The following ASTN2 variants were observed in gnomAD, a reference collection of about 807,000 sequenced individuals.
The protein encoded by ASTN2 is astrotactin 2.
A neutral mutation model predicts 139.8 loss-of-function variants in ASTN2; 54 were observed. The ratio of observed to expected loss-of-function variants is 0.39; its 90% CI spans 0.31 to 0.48. The LOEUF is 0.48. ASTN2 is among the 20% of genes least tolerant of loss of function. ASTN2 has a pLI of 0.95. For missense variants in ASTN2, 1,565 were observed against 1,725.1 expected, an observed-to-expected ratio of 0.91 and a Z score of 1.64; for synonymous variants, 756 against 719.5, an observed-to-expected ratio of 1.05 and a Z score of -0.81.
intron 16 of ASTN2, among the ~76,000 whole-genome samples, chr9:116,695,148 A>G (rs1213467945): frequency 6.6e-6 from 1 of 152,182 alleles, no homozygotes; most frequent in African/African-American, 2.4e-5. Flanking sequence ...GTTGGGTTAA[A>G]TAAAGTAAAA....
chr9:116,787,113 C>T (rs1046731418), intron 13 of ASTN2, among the ~76,000 whole-genome samples: 5 of 152,152 alleles, frequency 3.3e-5, no homozygotes, highest in Non-Finnish European at 1.5e-5. Context: ...TATGTCCTTA[C>T]AGTAGCATGA....
At chr9:116,925,169 CA>C (rs1834720069) in intron 10 of ASTN2, among the ~76,000 whole-genome samples, 1 of 152,130 alleles carries the variant, frequency 6.6e-6, no homozygotes, top group African/African-American at 2.4e-5. Context: ...AACAAAATAT[CA>C]GATATTTTAG....
intron 3 of ASTN2, among the ~76,000 whole-genome samples, chr9:117,209,261 CA>C (rs1295723777): frequency 6.6e-6 from 1 of 151,872 alleles, no homozygotes; most frequent in Non-Finnish European, 1.5e-5. Flanking sequence ...ATAAACAGGA[CA>C]AAAGGATGAA....
intron 12 of ASTN2, 35 bp from the exon 13 acceptor site, chr9:116,805,855 C>T (rs368506488): frequency 5.0e-6 from 8 of 1,599,314 alleles, no homozygotes; most frequent in South Asian, 4.5e-5. Context: ...ATTAGCTTCA[C>T]ATCCTGAATG....
chr9:116,994,588 C>T (rs1311726672), intron 7 of ASTN2, among the ~76,000 whole-genome samples: 1 of 152,188 alleles, frequency 6.6e-6, no homozygotes. Flanking sequence ...GATGTGACTG[C>T]TGAATATTTC....
intron 22 of ASTN2, among the ~76,000 whole-genome samples, chr9:116,427,085 G>A (rs1444326449): frequency 6.6e-6 from 1 of 152,098 alleles, no homozygotes; most frequent in African/African-American, 2.4e-5. Context: ...ATAAAGCCAG[G>A]AAGGATTCTT....
intron 3 of ASTN2, among the ~76,000 whole-genome samples, chr9:117,192,240 C>T (rs1414289754): frequency 6.6e-6 from 1 of 152,064 alleles, no homozygotes; most frequent in Non-Finnish European, 1.5e-5. Context: ...AGAGGAGGCA[C>T]CAGCTAAGAA....
intron 3 of ASTN2, among the ~76,000 whole-genome samples, chr9:117,144,927 C>A (rs1175305621): frequency 6.6e-6 from 1 of 151,900 alleles, no homozygotes; most frequent in Non-Finnish European, 1.5e-5. Flanking sequence ...AAGTGATTGG[C>A]CTGCCTCAGC....
chr9:117,022,270 A>G (rs1274203443), intron 6 of ASTN2, among the ~76,000 whole-genome samples: 1 of 152,164 alleles, frequency 6.6e-6, no homozygotes, highest in Non-Finnish European at 1.5e-5. Flanking sequence ...AAGTTGTTCC[A>G]AGCCTGGCGC....
At chr9:117,269,342 A>AATT (rs1223789612) in intron 2 of ASTN2, among the ~76,000 whole-genome samples, 1 of 152,198 alleles carries the variant, frequency 6.6e-6, no homozygotes, top group Non-Finnish European at 1.5e-5. Context: ...TGACACTTTA[A>AATT]AGACAAATTT....
intron 5 of ASTN2, among the ~76,000 whole-genome samples, chr9:117,050,223 T>C (rs368544184): frequency 6.6e-6 from 1 of 152,068 alleles, no homozygotes; most frequent in Non-Finnish European, 1.5e-5. Flanking sequence ...AGCCACAGTT[T>C]CCATGGCTAC....
chr9:116,725,960 AGAG>A lies in ASTN2; in HGVS notation c.2627-13_2627-11del, dbSNP rs913974319. On this transcript the variant is annotated splice_polypyrimidine_tract_variant and intron_variant, in intron 15 of 22. Transcript: ENST00000313400. ...AGAACATTAGTGAAGCCTGGACAAGAGAGGAGCATGTGGAGGTGGTCAGATGTG... is the reference window on the plus strand; with the variant it reads ...AGAACATTAGTGAAGCCTGGACAAGAGAGCATGTGGAGGTGGTCAGATGTG... 17 of 1,607,288 alleles carry A rather than the reference AGAG, an allele frequency of 1.1e-5. No homozygotes were observed. The highest frequency in any genetic ancestry group is 1.4e-5 in the Non-Finnish European group (16 of 1,177,540).
At chr9:117,038,220 G>A (rs1025933258) in intron 6 of ASTN2, among the ~76,000 whole-genome samples, 1 of 152,080 alleles carries the variant, frequency 6.6e-6, no homozygotes, top group African/African-American at 2.4e-5. Flanking sequence ...TCTGAATACC[G>A]AAACTTAACG....
chr9:116,704,063 C>G (rs1402126422), intron 16 of ASTN2, among the ~76,000 whole-genome samples: 1 of 152,178 alleles, frequency 6.6e-6, no homozygotes, highest in African/African-American at 2.4e-5. Context: ...GCAATGTACT[C>G]TAGTGAGAAG....
intron 7 of ASTN2, among the ~76,000 whole-genome samples, chr9:117,007,393 T>C (rs1430793474): frequency 2.0e-5 from 3 of 152,218 alleles, no homozygotes; most frequent in Admixed American, 6.5e-5. Flanking sequence ...TGTGCAACAA[T>C]GTAGCTGCTA....
intron 11 of ASTN2, among the ~76,000 whole-genome samples, chr9:116,856,909 C>T (rs1832754960): frequency 6.6e-6 from 1 of 152,176 alleles, no homozygotes; most frequent in Non-Finnish European, 1.5e-5. Flanking sequence ...TGAAAGACAC[C>T]ATCACTCTAA....
At chr9:116,436,201 G>T (rs745822717) in intron 22 of ASTN2, among the ~76,000 whole-genome samples, 1 of 151,968 alleles carries the variant, frequency 6.6e-6, no homozygotes, top group South Asian at 2.1e-4. Flanking sequence ...TTTAATATTT[G>T]CAAGGACATT....
At position 116,440,531 on chromosome 9, in the gene ASTN2, C is replaced by T. The variant is rs919178152; in HGVS notation, c.3782+78G>A. On this transcript the variant is annotated intron_variant, in intron 22 of 22. Transcript: ENST00000313400. ...TTTACTTGATAAAGCCTAGTCTCAG[C>T]CTATGGGGAAAGGGTCCAGAAAAGT... 2.9e-6 allele frequency: 4 copies of T among 1,381,292 alleles called. No homozygotes were observed. The African/African-American group carries it at 4.3e-5, about 15-fold the overall frequency. 85.6% of individuals were successfully genotyped at this position (1,381,292 alleles called of 1,614,324 possible).
At chr9:117,004,581 TGA>T (rs1166353665) in intron 7 of ASTN2, among the ~76,000 whole-genome samples, 3 of 152,106 alleles carry the variant, frequency 2.0e-5, no homozygotes, top group African/African-American at 7.2e-5. Flanking sequence ...GGTGTCCCAT[TGA>T]GAGGTGAAGA....
Sources: gnomAD v4.1 joint callset for allele counts (sites outside exome capture counted in the v4.1 genomes callset) on GRCh38, gnomAD v4.1.1 for gene constraint, MANE v1.5 for transcripts, NCBI Gene and HGNC (gene_info 2026-07-23, HGNC 2026-07-21) for gene names.